The following COL22A1 variants were observed in gnomAD, a reference collection of about 807,000 sequenced individuals.
COL22A1 encodes collagen type XXII alpha 1 chain.
Under a neutral mutation model 248.9 loss-of-function variants are expected in COL22A1, and 221 were observed. That is an observed-to-expected ratio of 0.89 (90% CI 0.80 to 0.99). The LOEUF (loss-of-function observed/expected upper bound fraction) is 0.99, where lower values mean the gene tolerates loss of function less well. Ranked by LOEUF, COL22A1 falls within the 50% of genes least tolerant of loss-of-function variation. COL22A1 has a pLI of 0.00. For missense variants in COL22A1, 2,240 were observed against 2,179.0 expected, an observed-to-expected ratio of 1.03 and a Z score of -0.56; for synonymous variants, 891 against 793.4, an observed-to-expected ratio of 1.12 and a Z score of -2.07.
At chr8:138,602,883 T>C (rs1170951478) in intron 59 of COL22A1, among the ~76,000 whole-genome samples, 2 of 152,244 alleles carry the variant, frequency 1.3e-5, no homozygotes, top group Non-Finnish European at 2.9e-5. Context: ...TTCTCACGCA[T>C]GGGTTACTTT....
chr8:138,857,866 C>A (rs1371023254), intron 3 of COL22A1, among the ~76,000 whole-genome samples: 1 of 152,214 alleles, frequency 6.6e-6, no homozygotes, highest in Non-Finnish European at 1.5e-5. Context: ...CCTCCCCGGG[C>A]ACTTGGCCCA....
intron 55 of COL22A1, among the ~76,000 whole-genome samples, chr8:138,615,730 A>T (rs1027931271): frequency 3.3e-5 from 5 of 152,096 alleles, no homozygotes; most frequent in Admixed American, 1.3e-4. Flanking sequence ...TCTCAAGTCC[A>T]TTTAAGGCTG....
At position 138,592,152 on chromosome 8, in the gene COL22A1, G is replaced by A. The variant is rs550750322; in HGVS notation, c.4616-651C>T. On this transcript the variant is annotated intron_variant, in intron 63 of 64. Transcript: ENST00000303045. ...AACATTCTAGTATGAAACAGAATGCGATAAATGCCATCATAGGAATTTCAA... is the reference window on the plus strand; with the variant it reads ...AACATTCTAGTATGAAACAGAATGCAATAAATGCCATCATAGGAATTTCAA... Among the ~76,000 whole-genome samples the A allele has an allele frequency of 1.1e-4, 16 of 152,268 alleles. No individual in the cohort carries two copies. The South Asian group carries it at 1.5e-3, about 14-fold the overall frequency.
chr8:138,865,804 T>G (rs1822837317), intron 3 of COL22A1, among the ~76,000 whole-genome samples: 1 of 151,142 alleles, frequency 6.6e-6, no homozygotes, highest in African/African-American at 2.4e-5. Context: ...TGTGTGTGTG[T>G]GTATGTTTGT....
chr8:138,764,694 C>A (rs778027787), intron 16 of COL22A1, among the ~76,000 whole-genome samples: 2 of 152,256 alleles, frequency 1.3e-5, no homozygotes, highest in African/African-American at 2.4e-5. Context: ...CCCAGTGGCT[C>A]ATGCCTGTAA....
intron 55 of COL22A1, among the ~76,000 whole-genome samples, chr8:138,614,396 C>T (rs1331861805): frequency 2.0e-5 from 3 of 152,180 alleles, no homozygotes; most frequent in African/African-American, 4.8e-5. Flanking sequence ...GGCCCTGTGA[C>T]GGGGCATAAT....
intron 62 of COL22A1, 90 bp downstream of exon 62, chr8:138,596,814 A>C: frequency 8.3e-7 from 1 of 1,211,334 alleles, no homozygotes; most frequent in South Asian, 1.3e-5. Context: ...TGCTTTTCTT[A>C]TTCCAGGATG....
chr8:138,696,365 CA>C (rs1247289878), intron 32 of COL22A1, among the ~76,000 whole-genome samples: 1 of 152,108 alleles, frequency 6.6e-6, no homozygotes, highest in Non-Finnish European at 1.5e-5. Flanking sequence ...GGGGTGTTTG[CA>C]AGACACGGCT....
At chr8:138,821,491 G>A (rs982580275) in intron 6 of COL22A1, 80 bp from the exon 7 acceptor site, 22 of 1,409,370 alleles carry the variant, frequency 1.6e-5, no homozygotes, top group Non-Finnish European at 2.1e-5. Flanking sequence ...GGAGTTCAGA[G>A]TCAGACCTGG....
chr8:138,737,970 C>A (rs1831251320), intron 22 of COL22A1, among the ~76,000 whole-genome samples: 2 of 152,088 alleles, frequency 1.3e-5, no homozygotes, highest in South Asian at 4.1e-4. Flanking sequence ...CATTGGTAAG[C>A]CTTACACACG....
intron 60 of COL22A1, among the ~76,000 whole-genome samples, chr8:138,600,807 T>C (rs1817938619): frequency 6.6e-6 from 1 of 152,224 alleles, no homozygotes; most frequent in Non-Finnish European, 1.5e-5. Context: ...GACGTTGCAA[T>C]CTCTGTCAGT....
intron 63 of COL22A1, among the ~76,000 whole-genome samples, chr8:138,592,999 A>C (rs1288674412): frequency 6.6e-6 from 1 of 152,228 alleles, no homozygotes; most frequent in South Asian, 2.1e-4. Flanking sequence ...TGGATAAAGA[A>C]AATGTGGCAC....
intron 52 of COL22A1, among the ~76,000 whole-genome samples, chr8:138,622,872 C>T (rs1819918683): frequency 6.6e-6 from 1 of 152,002 alleles, no homozygotes; most frequent in Admixed American, 6.6e-5. Context: ...TACTGGTGGG[C>T]ATTTGGAGAA....
chr8:138,706,248 G>A (rs1828432457), intron 30 of COL22A1, among the ~76,000 whole-genome samples: 1 of 152,128 alleles, frequency 6.6e-6, no homozygotes, highest in South Asian at 2.1e-4. Flanking sequence ...AGTTAACAAG[G>A]ATATCTAGTA....
chr8:138,899,131 T>C (rs1011131845), intron 1 of COL22A1, among the ~76,000 whole-genome samples: 1 of 152,108 alleles, frequency 6.6e-6, no homozygotes, highest in Non-Finnish European at 1.5e-5. Context: ...TTCTTCCTCT[T>C]CCCCCTCTTT....
intron 4 of COL22A1, among the ~76,000 whole-genome samples, chr8:138,841,283 C>T (rs758452018): frequency 2.0e-5 from 3 of 152,350 alleles, no homozygotes; most frequent in South Asian, 2.1e-4. Context: ...CAAGTATAAA[C>T]AAGTCCTGCT....
chr8:138,648,215 G>A lies in COL22A1; in HGVS notation c.3447+1450C>T, dbSNP rs1003531632. Among the ~76,000 whole-genome samples, 8 of 152,176 alleles carry A rather than the reference G, an allele frequency of 5.3e-5. No homozygotes were observed. In the East Asian group the frequency reaches 1.2e-3, roughly 22 times the overall value. ...CCTGTTCCTTCCAGGGTTCCAGAGT[G>A]TATGGAGAAATTTCGAGGACTGTGG... On this transcript the variant is annotated intron_variant, in intron 46 of 64. Transcript: ENST00000303045.
chr8:138,631,654 T>C (rs1471068677), intron 49 of COL22A1, among the ~76,000 whole-genome samples: 1 of 149,830 alleles, frequency 6.7e-6, no homozygotes, highest in Admixed American at 6.7e-5. Context: ...CTCTTGCATA[T>C]GCTGTTTCTT....
At chr8:138,905,900 G>A (rs1267933316) in intron 1 of COL22A1, among the ~76,000 whole-genome samples, 1 of 151,992 alleles carries the variant, frequency 6.6e-6, no homozygotes, top group Non-Finnish European at 1.5e-5. Flanking sequence ...TGTCTGTGTT[G>A]TTACCTCAGA....
Sources: allele counts gnomAD v4.1 joint callset (sites outside exome capture counted in the v4.1 genomes callset), GRCh38; gene constraint gnomAD v4.1.1; transcripts MANE v1.5; gene names NCBI Gene and HGNC (gene_info 2026-07-23, HGNC 2026-07-21).